The following PID1 variants were observed in gnomAD, a reference collection of about 807,000 sequenced individuals.
The protein encoded by PID1 is phosphotyrosine interaction domain containing 1, also known as PTB-containing, cubilin and LRP1-interacting protein.
A neutral mutation model predicts 19.1 loss-of-function variants in PID1; 10 were observed. The observed-to-expected ratio is 0.52, with a 90% CI of 0.32 to 0.89. The LOEUF is 0.89. PID1 is among the 40% of genes least tolerant of loss of function. The pLI, the probability that PID1 is intolerant of heterozygous loss-of-function variation, is 0.03. For synonymous variants in PID1, 130 were observed against 116.0 expected (o/e 1.12, Z -0.78); for missense variants, 248 against 285.3 (o/e 0.87, Z 0.94).
chr2:229,252,058 T>C (rs1339138730), intron 1 of PID1, among the ~76,000 whole-genome samples: 2 of 151,206 alleles, frequency 1.3e-5, no homozygotes, highest in African/African-American at 2.4e-5. Flanking sequence ...TTCATTTGTG[T>C]CTTCCAGCCC....
intron 2 of PID1, among the ~76,000 whole-genome samples, chr2:229,078,439 T>C (rs978875720): frequency 6.6e-6 from 1 of 152,220 alleles, no homozygotes; most frequent in Non-Finnish European, 1.5e-5. Context: ...CTATGTTGCA[T>C]AGGAGTAGTG....
chr2:229,099,586 G>C (rs1439322031), intron 2 of PID1, among the ~76,000 whole-genome samples: 1 of 152,132 alleles, frequency 6.6e-6, no homozygotes, highest in African/African-American at 2.4e-5. Context: ...TGTTAGAATG[G>C]CATTCTGAAT....
rs147723266 is a variant in PID1, at chr2:229,211,282, C to T, written c.31-55318G>A. Reference sequence around the variant, plus strand: ...TTGTGCAGGTTGCTGAGAAATGGGGCGTCCCACATGATCTAATATGCCTAT... The same window carrying T: ...TTGTGCAGGTTGCTGAGAAATGGGGTGTCCCACATGATCTAATATGCCTAT... On this transcript the variant is annotated intron_variant, in intron 1 of 2. Transcript: ENST00000392055. 2.7e-4 allele frequency among the ~76,000 whole-genome samples: 41 copies of T among 151,932 alleles called. No individual in the cohort carries two copies. The East Asian group carries it at 6.2e-3, about 23-fold the overall frequency.
intron 2 of PID1, among the ~76,000 whole-genome samples, chr2:229,151,717 CCCA>C (rs1391341775): frequency 6.6e-6 from 1 of 151,614 alleles, no homozygotes; most frequent in Non-Finnish European, 1.5e-5. Context: ...ACGACAGGTG[CCCA>C]CCACCACGCC....
At chr2:229,249,393 T>C (rs547201936) in intron 1 of PID1, among the ~76,000 whole-genome samples, 3 of 152,296 alleles carry the variant, frequency 2.0e-5, no homozygotes, top group African/African-American at 7.2e-5. Flanking sequence ...ATCTCTTACC[T>C]TTCCATCCAC....
intron 2 of PID1, among the ~76,000 whole-genome samples, chr2:229,121,324 T>C (rs1173258329): frequency 2.0e-5 from 3 of 152,210 alleles, no homozygotes; most frequent in Admixed American, 6.5e-5. Flanking sequence ...CTTATAATTA[T>C]GATATAATCC....
intron 2 of PID1, among the ~76,000 whole-genome samples, chr2:229,100,062 T>C (rs1388999674): frequency 1.3e-5 from 2 of 152,060 alleles, no homozygotes; most frequent in Non-Finnish European, 2.9e-5. Context: ...TTCTCTGACC[T>C]CCAACATGAG....
At chr2:229,156,981 G>A (rs553632867) in intron 1 of PID1, among the ~76,000 whole-genome samples, 18 of 152,196 alleles carry the variant, frequency 1.2e-4, no homozygotes, top group East Asian at 5.8e-4. Context: ...TTGCTTCCTC[G>A]CCTCCTTGAG....
intron 2 of PID1, among the ~76,000 whole-genome samples, chr2:229,097,126 A>T (rs12620614): frequency 0.62 from 94,289 of 152,042 alleles, 31,917 homozygotes; most frequent in Non-Finnish European, 0.76. Context: ...ACATGACATG[A>T]TTATGAAAAT....
chr2:229,228,236 T>C (rs1692125190), intron 1 of PID1, among the ~76,000 whole-genome samples: 1 of 152,104 alleles, frequency 6.6e-6, no homozygotes, highest in African/African-American at 2.4e-5. Context: ...TACTTGTTCA[T>C]ATGACTATGA....
intron 2 of PID1, among the ~76,000 whole-genome samples, chr2:229,035,257 G>C (rs2106168870): frequency 6.6e-6 from 1 of 152,242 alleles, no homozygotes; most frequent in South Asian, 2.1e-4. Flanking sequence ...TAAGACCTTA[G>C]TAGAGAGAAC....
chr2:229,030,587 T>TTATC (rs35091936), intron 2 of PID1, among the ~76,000 whole-genome samples: 90,906 of 151,494 alleles, frequency 0.6, 27,531 homozygotes, highest in African/African-American at 0.68. Context: ...AAGGCACACT[T>TTATC]TCTCTCTCTC....
At chr2:229,087,277 T>C (rs1694787504) in intron 2 of PID1, among the ~76,000 whole-genome samples, 1 of 152,178 alleles carries the variant, frequency 6.6e-6, no homozygotes, top group Non-Finnish European at 1.5e-5. Context: ...GCTGTGGAAC[T>C]CAGCATATTT....
At chr2:229,148,760 G>A (rs896381289) in intron 2 of PID1, among the ~76,000 whole-genome samples, 1 of 151,062 alleles carries the variant, frequency 6.6e-6, no homozygotes. Flanking sequence ...AAGAGGGAGA[G>A]AGGGAAGGAG....
intron 1 of PID1, among the ~76,000 whole-genome samples, chr2:229,257,895 A>T (rs1034752297): frequency 6.6e-6 from 1 of 152,198 alleles, no homozygotes; most frequent in Non-Finnish European, 1.5e-5. Context: ...TACGTCTGCT[A>T]CACACATTAC....
intron 1 of PID1, among the ~76,000 whole-genome samples, chr2:229,208,928 C>T (rs1183535827): frequency 6.6e-6 from 1 of 152,100 alleles, no homozygotes; most frequent in Non-Finnish European, 1.5e-5. Flanking sequence ...GCAAATGATA[C>T]TTGGCTTTCA....
At chr2:229,047,038 T>C (rs6436826) in intron 2 of PID1, among the ~76,000 whole-genome samples, 79,445 of 151,988 alleles carry the variant, frequency 0.52, 21,527 homozygotes, top group East Asian at 0.67. Flanking sequence ...TTCAGGGTGT[T>C]TCCAAGGAAA....
chr2:229,046,407 G>C (rs1379509973), intron 2 of PID1, among the ~76,000 whole-genome samples: 1 of 34,286 alleles, frequency 2.9e-5, no homozygotes, highest in Non-Finnish European at 4.8e-5. Context: ...TGAGTCAGGA[G>C]GGGGGGAACC....
At chr2:229,207,119 T>C (rs1359870839) in intron 1 of PID1, among the ~76,000 whole-genome samples, 1 of 152,138 alleles carries the variant, frequency 6.6e-6, no homozygotes, top group Non-Finnish European at 1.5e-5. Flanking sequence ...CTACTACTAA[T>C]ATAATTATTA....
Sources: allele counts gnomAD v4.1 joint callset (sites outside exome capture counted in the v4.1 genomes callset), GRCh38; gene constraint gnomAD v4.1.1; transcripts MANE v1.5; gene names NCBI Gene and HGNC (gene_info 2026-07-23, HGNC 2026-07-21).